Variants in DNAH3 observed in about 807,000 individuals in gnomAD.
The protein encoded by DNAH3 is axonemal beta dynein heavy chain 3.
A neutral mutation model predicts 432.5 loss-of-function variants in DNAH3; 332 were observed. That is an observed-to-expected ratio of 0.77 (90% CI 0.70 to 0.84). DNAH3 has a LOEUF of 0.84. Among genes scored for constraint, DNAH3 ranks in the 40% least tolerant of loss-of-function variants. The pLI, the probability that DNAH3 is intolerant of heterozygous loss-of-function variation, is 0.00. For missense variants in DNAH3, 4,861 were observed against 5,114.0 expected (o/e 0.95, Z 1.51); for synonymous variants, 1,956 against 1,900.2 (o/e 1.03, Z -0.76).
At chr16:20,968,705 C>T (rs1004490565) in intron 52 of DNAH3, among the ~76,000 whole-genome samples, 3 of 151,646 alleles carry the variant, frequency 2.0e-5, no homozygotes, top group Non-Finnish European at 2.9e-5. Flanking sequence ...TCTCCATTGC[C>T]GTCTCTGCCT....
At chr16:21,159,001 A>AAC (rs891430869) in intron 1 of DNAH3, among the ~76,000 whole-genome samples, 6 of 137,962 alleles carry the variant, frequency 4.3e-5, no homozygotes, top group South Asian at 2.3e-4. Context: ...GCCACCCCCC[A>AAC]ACACACACAC....
At chr16:20,995,226 G>A (rs1015575948) in intron 44 of DNAH3, among the ~76,000 whole-genome samples, 4 of 151,686 alleles carry the variant, frequency 2.6e-5, no homozygotes, top group Admixed American at 6.6e-5. Flanking sequence ...GATTACAGCC[G>A]TGAGCCAGAG....
At chr16:21,128,719 T>A (rs1597444931) in intron 7 of DNAH3, among the ~76,000 whole-genome samples, 2 of 145,442 alleles carry the variant, frequency 1.4e-5, no homozygotes, top group Admixed American at 1.4e-4. Context: ...ACGCGCTGGG[T>A]GTGGTGGTGC....
intron 41 of DNAH3, 56 bp downstream of exon 41, chr16:21,019,568 T>A: frequency 6.3e-7 from 1 of 1,597,082 alleles, no homozygotes; most frequent in South Asian, 1.1e-5. Flanking sequence ...TGGTTGTGTT[T>A]AGAACACGTA....
exon 6 of DNAH3, chr16:21,136,466 G>T: frequency 6.2e-7 from 1 of 1,614,058 alleles, no homozygotes; most frequent in Non-Finnish European, 8.5e-7. Context: ...CCTCCTCAGG[G>T]GCAATCATGT....
intron 18 of DNAH3, 126 bp downstream of exon 18, chr16:21,097,229 T>C (rs924941678): frequency 8.8e-7 from 1 of 1,138,426 alleles, no homozygotes; most frequent in African/African-American, 1.6e-5. Flanking sequence ...GCTGCCTTAA[T>C]CTGGAGTGTC....
At position 20,982,755 on chromosome 16, in the gene DNAH3, C is replaced by T. The variant is rs151331388; in HGVS notation, c.7825G>A (p.Glu2609Lys). 193 of 1,614,152 alleles carry T rather than the reference C, an allele frequency of 1.2e-4. 2 individuals are homozygous for T. The South Asian group carries it at 1.9e-3, about 16-fold the overall frequency. The stretch of plus-strand genomic sequence containing the variant: ...ATGTTGTCATCAAGCTCCACATCCT[C>T]TAGAAATTTGTTAGCCACCAACTCT... The change falls in exon 49 of 62, where the codon GAG becomes AAG. Residue 2609 changes from glutamate (E) to lysine (K), a missense_variant. Physicochemically the swap from Glu to Lys is moderately conservative, Grantham distance 56. Coordinates refer to ENST00000261383, the Ensembl canonical transcript of DNAH3.
chr16:20,973,315 C>T (rs951006621), intron 51 of DNAH3, among the ~76,000 whole-genome samples: 2 of 151,934 alleles, frequency 1.3e-5, no homozygotes, highest in South Asian at 2.1e-4. Context: ...TGCATTGGTG[C>T]GATCTCAACG....
At chr16:20,940,956 C>T (rs2152567579) in intron 59 of DNAH3, among the ~76,000 whole-genome samples, 1 of 152,212 alleles carries the variant, frequency 6.6e-6, no homozygotes, top group African/African-American at 2.4e-5. Flanking sequence ...AAAAAATTAG[C>T]CAGCATGGTG....
At chr16:20,993,787 G>A (rs900579639) in intron 44 of DNAH3, among the ~76,000 whole-genome samples, 1 of 151,874 alleles carries the variant, frequency 6.6e-6, no homozygotes, top group Admixed American at 6.6e-5. Flanking sequence ...TGCCTCAAGC[G>A]ATCCTCCCAC....
intron 15 of DNAH3, among the ~76,000 whole-genome samples, chr16:21,105,515 C>T (rs1263444558): frequency 6.6e-6 from 1 of 152,210 alleles, no homozygotes; most frequent in Non-Finnish European, 1.5e-5. Context: ...CCTATAATCC[C>T]AGTACATTGG....
At chr16:21,090,501 T>C (rs187252034) in intron 18 of DNAH3, among the ~76,000 whole-genome samples, 1 of 152,272 alleles carries the variant, frequency 6.6e-6, no homozygotes, top group African/African-American at 2.4e-5. Context: ...GTAGGGTTTA[T>C]CATTGGAGTG....
chr16:20,937,575 G>A (rs1425981176), intron 59 of DNAH3, among the ~76,000 whole-genome samples: 8 of 138,916 alleles, frequency 5.8e-5, no homozygotes, highest in Non-Finnish European at 9.1e-5. Flanking sequence ...CTGTCACCCA[G>A]GGAAGTGCAG....
chr16:21,122,030 A>T (rs1187868395), exon 10 of DNAH3: 2 of 1,613,810 alleles, frequency 1.2e-6, no homozygotes, highest in East Asian at 4.5e-5. Flanking sequence ...TGGATTGAAG[A>T]CAATAATGGG....
chr16:21,145,360 G>C lies in DNAH3; in HGVS notation c.269C>G (p.Ser90Ter), dbSNP rs980475767. Residue 90 changes from serine (S) to a stop codon, truncating the protein, a stop_gained, in exon 3 of 62, where the codon TCA becomes TGA. Coordinates refer to ENST00000261383, the Ensembl canonical transcript of DNAH3. LOFTEE classifies it high-confidence loss of function. ...TTTGAAGGGTGCAGCCAAGGTCCAT[G>C]ACGTGCGTTGCATCAAGGGCGGGTA... The C allele has an allele frequency of 6.2e-7, 1 of 1,614,180 alleles. No individual in the cohort carries two copies. The highest frequency in any genetic ancestry group is 8.5e-7 in the Non-Finnish European group (1 of 1,180,032).
Position 21,097,334 on chromosome 16 carries a change from CAG to C in DNAH3, c.2665+19_2665+20del, listed in dbSNP as rs765759754. On this transcript the variant is annotated intron_variant, in intron 18 of 61. Coordinates refer to ENST00000261383, the Ensembl canonical transcript of DNAH3. Reference sequence around the variant, plus strand: ...TCCACCTCATCCCCATCTGTCCCAGCAGAGTGAGATCACCACATACCATTCAT... The same window carrying C: ...TCCACCTCATCCCCATCTGTCCCAGCAGTGAGATCACCACATACCATTCAT... 6.2e-7 allele frequency: 1 copy of C among 1,612,914 alleles called. No individual in the cohort carries two copies. Among genetic ancestry groups the C allele is most frequent in the Admixed American group, 1.7e-5 (1 of 59,998 alleles).
At chr16:21,131,337 C>T (rs757734352) in intron 7 of DNAH3, among the ~76,000 whole-genome samples, 1 of 148,570 alleles carries the variant, frequency 6.7e-6, no homozygotes, top group Non-Finnish European at 1.5e-5. Context: ...AACAAGAAAG[C>T]AAGCAAGAAA....
chr16:21,146,152 G>A, intron 1 of DNAH3, 64 bp from the exon 3 acceptor site: 1 of 1,178,378 alleles, frequency 8.5e-7, no homozygotes. Context: ...CCTCTGAGTT[G>A]GTTAGGACTA....
chr16:21,121,396 A>G (rs1005309880), intron 10 of DNAH3, among the ~76,000 whole-genome samples: 13 of 152,238 alleles, frequency 8.5e-5, no homozygotes, highest in African/African-American at 3.1e-4. Context: ...TGGCTAAAAC[A>G]TAACAAACCA....
Sources: gnomAD v4.1 joint callset for allele counts (sites outside exome capture counted in the v4.1 genomes callset) on GRCh38, gnomAD v4.1.1 for gene constraint, MANE v1.5 for transcripts, NCBI Gene and HGNC (gene_info 2026-07-23, HGNC 2026-07-21) for gene names.